UBE2O: variants seen among roughly 807,000 people sequenced by gnomAD.
UBE2O encodes (E3-independent) E2 ubiquitin-conjugating enzyme.
UBE2O carries 15 observed loss-of-function variants against 125.8 expected under a neutral mutation model. The observed-to-expected ratio is 0.12, with a 90% CI of 0.08 to 0.18. UBE2O has a LOEUF of 0.18. UBE2O is among the 10% of genes least tolerant of loss of function. The pLI is 1.00. For synonymous variants in UBE2O, 708 were observed against 703.2 expected (o/e 1.01, Z -0.11); for missense variants, 1,280 against 1,723.6 (o/e 0.74, Z 4.56).
chr17:76,407,273 C>A (rs1414152147), intron 1 of UBE2O, among the ~76,000 whole-genome samples: 2 of 152,240 alleles, frequency 1.3e-5, no homozygotes, highest in Non-Finnish European at 2.9e-5. Flanking sequence ...CTCCTTATCT[C>A]TGCTCCAAGA....
intron 1 of UBE2O, among the ~76,000 whole-genome samples, chr17:76,447,360 T>A (rs1313325753): frequency 6.6e-6 from 1 of 152,254 alleles, no homozygotes; most frequent in African/African-American, 2.4e-5. Flanking sequence ...ATGGGGCTAA[T>A]AATAGCACCA....
At chr17:76,406,436 T>C (rs1335587947) in intron 1 of UBE2O, among the ~76,000 whole-genome samples, 1 of 151,752 alleles carries the variant, frequency 6.6e-6, no homozygotes, top group East Asian at 1.9e-4. Flanking sequence ...TTTCCTCAAA[T>C]AGCCAACCAG....
intron 1 of UBE2O, among the ~76,000 whole-genome samples, chr17:76,412,053 C>T (rs1444761227): frequency 5.3e-5 from 8 of 152,174 alleles, no homozygotes; most frequent in African/African-American, 1.7e-4. Context: ...ATGCCAAGTG[C>T]CCGCTGAGGC....
At chr17:76,423,858 T>A (rs141685226) in intron 1 of UBE2O, among the ~76,000 whole-genome samples, 22 of 149,326 alleles carry the variant, frequency 1.5e-4, no homozygotes, top group Non-Finnish European at 2.7e-4. Context: ...CTTCCTCTCT[T>A]CACACCAGGT....
chr17:76,399,386 G>C lies in UBE2O; in HGVS notation c.1628+63C>G, dbSNP rs555154059. 3 of 1,499,174 alleles carry C rather than the reference G, an allele frequency of 2.0e-6. No homozygotes were observed. In the South Asian group the frequency reaches 3.7e-5, roughly 18 times the overall value. The allele number at this position is 1,499,174 out of a possible 1,614,324, so 92.9% of individuals were successfully genotyped here. A position where few individuals can be genotyped will look rare whatever the true frequency, so the allele number is the denominator to read the frequency against. On this transcript the variant is annotated intron_variant, in intron 9 of 17. Transcript: ENST00000319380. The surrounding 1 kb of genome is among the most constrained non-coding windows in gnomAD (Gnocchi z 6.9). The stretch of plus-strand genomic sequence containing the variant: ...GCGAGCGCAGGCACGCACACCGAGG[G>C]GACGCGCACTCTGCCTGGCTTCACG...
intron 1 of UBE2O, among the ~76,000 whole-genome samples, chr17:76,416,171 CGTGT>C (rs113731509): frequency 9.6e-5 from 14 of 146,286 alleles, no homozygotes; most frequent in African/African-American, 2.3e-4. Flanking sequence ...TATACACATA[CGTGT>C]GTGTGTGTAT....
At chr17:76,393,528 C>T (rs1435637963) in intron 15 of UBE2O, among the ~76,000 whole-genome samples, 1 of 152,038 alleles carries the variant, frequency 6.6e-6, no homozygotes, top group East Asian at 1.9e-4. Context: ...CCACCACGCC[C>T]GGCCAACCCT....
In UBE2O at chr17:76,390,788, C is replaced by A; in HGVS notation, c.*155G>T. On this transcript the variant is annotated 3_prime_UTR_variant, in exon 18 of 18. Coordinates refer to ENST00000319380, the MANE Select transcript of UBE2O (RefSeq NM_022066.4). ...GAAACGGCAGCATCTCAACACACTTCTTGCACTTCAGCATCAAACTCACCT... is the reference window on the plus strand; with the variant it reads ...GAAACGGCAGCATCTCAACACACTTATTGCACTTCAGCATCAAACTCACCT... 2 of 701,214 alleles carry A rather than the reference C, an allele frequency of 2.9e-6. No homozygotes were observed. Among genetic ancestry groups the A allele is most frequent in the Non-Finnish European group, 4.5e-6 (2 of 439,598 alleles). 43.4% of individuals were successfully genotyped at this position (701,214 alleles called of 1,614,324 possible).
Position 76,436,351 on chromosome 17 carries a change from CTT to C in UBE2O, c.417+16372_417+16373del, listed in dbSNP as rs1038291470. Among the ~76,000 whole-genome samples, 3 of 151,320 alleles carry C rather than the reference CTT, an allele frequency of 2.0e-5. 1 individual carries two copies. The South Asian group carries it at 6.3e-4, about 32-fold the overall frequency. On this transcript the variant is annotated intron_variant, in intron 1 of 17. Coordinates refer to ENST00000319380, the MANE Select transcript of UBE2O (RefSeq NM_022066.4). ...CCCCGAGTGGTAGAATTATGGGTGA[CTT>C]TTTTTTTACCCACCTTTCCTATGTC...
chr17:76,452,612 C>G lies in UBE2O; in HGVS notation c.417+113G>C. The G allele has an allele frequency of 1.0e-6, 1 of 1,002,470 alleles. No homozygotes were observed. The allele number at this position is 1,002,470 out of a possible 1,614,324, so 62.1% of individuals were successfully genotyped here. On this transcript the variant is annotated intron_variant, in intron 1 of 17. Coordinates refer to ENST00000319380, the MANE Select transcript of UBE2O (RefSeq NM_022066.4). The surrounding 1 kb of genome is among the most constrained non-coding windows in gnomAD (Gnocchi z 4.4). ...CTCCACTGGGGCTGTCCTCCCGCGT[C>G]GGCCACTGCAGTGGCACCGCTCCGG...
chr17:76,443,546 C>T (rs1260415335), intron 1 of UBE2O, among the ~76,000 whole-genome samples: 2 of 152,170 alleles, frequency 1.3e-5, no homozygotes, highest in African/African-American at 2.4e-5. Context: ...ACCTCGGCCT[C>T]CCAAAATGCT....
intron 1 of UBE2O, among the ~76,000 whole-genome samples, chr17:76,450,259 C>T (rs1165228007): frequency 6.6e-6 from 1 of 152,130 alleles, no homozygotes; most frequent in Non-Finnish European, 1.5e-5. Context: ...CACAGTTCTG[C>T]AAGGTCCCAG....
Position 76,392,119 on chromosome 17 carries a change from TAGGGAGGG to T in UBE2O, c.2947-14_2947-7del, listed in dbSNP as rs750570774. ...ATGAGAGCTGAGAAGAGGTCCTAGG[TAGGGAGGG>T]AGGGAGGGAGGCCAAGGTTGGCAGG... On this transcript the variant is annotated splice_region_variant and splice_polypyrimidine_tract_variant and intron_variant, in intron 15 of 17. Coordinates refer to ENST00000319380, the MANE Select transcript of UBE2O (RefSeq NM_022066.4). 5.0e-5 allele frequency: 52 copies of T among 1,040,796 alleles called. 2 individuals are homozygous for T. Among genetic ancestry groups the T allele is most frequent in the Non-Finnish European group, 6.5e-5 (49 of 755,754 alleles). 64.5% of individuals were successfully genotyped at this position (1,040,796 alleles called of 1,614,324 possible). A position where few individuals can be genotyped will look rare whatever the true frequency, so the allele number is the denominator to read the frequency against.
In UBE2O at chr17:76,396,007, G is replaced by A. The variant is rs751420301; in HGVS notation, c.2809+121C>T. ...CTGTGACCACACAGGGAAATGGTTT[G>A]CCCTGGGGCAGTAGCTGGGGTCTGG... is the stretch of plus-strand genomic sequence containing the variant. On this transcript the variant is annotated intron_variant, in intron 14 of 17. Coordinates refer to ENST00000319380, the MANE Select transcript of UBE2O (RefSeq NM_022066.4). This position sits in a 1 kb window ranked among gnomAD's most constrained non-coding sequence, Gnocchi z 6.7. 25 of 1,480,488 alleles carry A rather than the reference G, an allele frequency of 1.7e-5. No individual in the cohort carries two copies. The highest frequency in any genetic ancestry group is 2.3e-5 in the East Asian group (1 of 43,944). 91.7% of individuals were successfully genotyped at this position (1,480,488 alleles called of 1,614,324 possible).
At chr17:76,437,449 C>CAAAAAA (rs549634787) in intron 1 of UBE2O, among the ~76,000 whole-genome samples, 2 of 58,336 alleles carry the variant, frequency 3.4e-5, no homozygotes, top group African/African-American at 5.8e-5. Context: ...GATTCCATCT[C>CAAAAAA]AAAAAAAAAA....
chr17:76,437,149 T>TAAA (rs35867938), intron 1 of UBE2O, among the ~76,000 whole-genome samples: 2 of 129,102 alleles, frequency 1.5e-5, no homozygotes. Context: ...ACTCCATCTT[T>TAAA]AAAAAAAAAA....
Position 76,423,896 on chromosome 17 carries a change from C to CTTTTTTT in UBE2O, c.418-18331_418-18325dup, listed in dbSNP as rs746126675. ...CTCTCAGCTACTTCCAGGTTGGGTT[C>CTTTTTTT]TTTTTTTTTTTTTTTTTTTTTTTGA... is the stretch of plus-strand genomic sequence containing the variant. On this transcript the variant is annotated intron_variant, in intron 1 of 17. Transcript: ENST00000319380. Among the ~76,000 whole-genome samples, 194 of 83,498 alleles carry CTTTTTTT rather than the reference C, an allele frequency of 2.3e-3. 8 individuals carry two copies. Among genetic ancestry groups the CTTTTTTT allele is most frequent in the East Asian group, 4.0e-3 (9 of 2,242 alleles). The allele number at this position is 83,498 out of a possible 152,430, so 54.8% of individuals were successfully genotyped here.
intron 1 of UBE2O, among the ~76,000 whole-genome samples, chr17:76,425,019 C>T (rs375662538): frequency 1.5e-4 from 23 of 151,270 alleles, no homozygotes; most frequent in Admixed American, 4.6e-4. Context: ...TACAGGCACC[C>T]GCCACCACGC....
rs1256030183 is a variant in UBE2O, at chr17:76,396,001, T to G, written c.2809+127A>C. 2 of 1,478,312 alleles carry G rather than the reference T, an allele frequency of 1.4e-6. No homozygotes were observed. Among genetic ancestry groups the G allele is most frequent in the Non-Finnish European group, 1.8e-6 (2 of 1,082,540 alleles). 91.6% of individuals were successfully genotyped at this position (1,478,312 alleles called of 1,614,324 possible). ...TCAGCACTGTGACCACACAGGGAAA[T>G]GGTTTGCCCTGGGGCAGTAGCTGGG... On this transcript the variant is annotated intron_variant, in intron 14 of 17. Transcript: ENST00000319380. This position sits in a 1 kb window ranked among gnomAD's most constrained non-coding sequence, Gnocchi z 6.7.
Sources: gnomAD v4.1 joint callset for allele counts (sites outside exome capture counted in the v4.1 genomes callset) on GRCh38, gnomAD v4.1.1 for gene constraint, Gnocchi (gnomAD v3.1) non-coding constraint, MANE v1.5 for transcripts, NCBI Gene and HGNC (gene_info 2026-07-23, HGNC 2026-07-21) for gene names.